The following SETD1B variants were observed in gnomAD, a reference collection of about 807,000 sequenced individuals.
SETD1B encodes the protein SET domain containing 1B, histone lysine methyltransferase, also known as histone-lysine N-methyltransferase SETD1B.
In SETD1B, 7 loss-of-function variants were observed where a neutral mutation model predicts 148.0. That is an observed-to-expected ratio of 0.05 (90% CI 0.03 to 0.09). SETD1B has a LOEUF of 0.09. Ranked by LOEUF, SETD1B falls within the 10% of genes least tolerant of loss-of-function variation. SETD1B has a pLI of 1.00. For missense variants in SETD1B, 2,155 were observed against 2,729.9 expected (o/e 0.79, Z 4.69); for synonymous variants, 1,361 against 1,186.5 (o/e 1.15, Z -3.02).
the SETD1B span, chr12:121,797,764 G>C: frequency 5.2e-5 from 19 of 362,936 alleles, no homozygotes; most frequent in Non-Finnish European, 8.2e-5. Context: ...AGAGGGTAAC[G>C]TGAGAGCAAC....
chr12:121,802,649 C>T (rs893012249), upstream of SETD1B: 1 of 151,932 alleles, frequency 6.6e-6, no homozygotes, highest in African/African-American at 2.4e-5. Flanking sequence ...TTTTGGAATT[C>T]AAAACTGTTA....
intron 12 of SETD1B, among the ~76,000 whole-genome samples, chr12:121,824,297 C>T (rs948658482): frequency 6.6e-6 from 1 of 152,188 alleles, no homozygotes; most frequent in African/African-American, 2.4e-5. Context: ...GAGGCTAGAC[C>T]TCTCATTATC....
Position 121,810,300 on chromosome 12 carries a change from C to T in SETD1B, c.1355C>T (p.Pro452Leu), listed in dbSNP as rs544049846. The change falls in exon 6 of 17, where the codon CCC becomes CTC. Residue 452 changes from proline (P) to leucine (L), a missense_variant. Coordinates refer to ENST00000604567, the MANE Select transcript of SETD1B (RefSeq NM_001353345.2). This position sits in a 1 kb window ranked among gnomAD's most constrained non-coding sequence, Gnocchi z 7.6. The stretch of plus-strand genomic sequence containing the variant: ...GCCAAGGAGAAGCCAGGCACGCCAC[C>T]CGGCCCGCCGCCCCCCGACACCAAC... ...PLAKEKPGTP[P>L]GPPPPDTNSM... The T allele has an allele frequency of 6.5e-7, 1 of 1,543,038 alleles. No individual in the cohort carries two copies. The highest frequency in any genetic ancestry group is 2.4e-5 in the East Asian group (1 of 40,872).
intron 13 of SETD1B, among the ~76,000 whole-genome samples, chr12:121,826,100 G>A (rs1272900557): frequency 1.3e-5 from 2 of 151,744 alleles, no homozygotes; most frequent in African/African-American, 4.8e-5. Context: ...AAATTGAGAC[G>A]GGGTCTCACT....
intron 11 of SETD1B, 124 bp downstream of exon 11, chr12:121,820,019 C>A: frequency 1.2e-6 from 1 of 808,534 alleles, no homozygotes; most frequent in East Asian, 2.7e-5. Context: ...CCGTGTAAAA[C>A]GAGATCAGCC....
Position 121,822,530 on chromosome 12 carries a change from C to T in SETD1B, c.3951C>T (p.Leu1317=), listed in dbSNP as rs1311938783. 2 of 1,550,468 alleles carry T rather than the reference C, an allele frequency of 1.3e-6. No individual in the cohort carries two copies. The highest frequency in any genetic ancestry group is 1.4e-5 in the African/African-American group (1 of 72,976). Residue 1317 remains leucine (L), a synonymous_variant, in exon 12 of 17, where the codon CTC becomes CTT. Coordinates refer to ENST00000604567, the MANE Select transcript of SETD1B (RefSeq NM_001353345.2). Reference sequence around the variant, plus strand: ...TGGAGCCGGAGCCCCCTATGATGCTCCCCTTGCCGCTGCAACCACCATTGC... The same window carrying T: ...TGGAGCCGGAGCCCCCTATGATGCTTCCCTTGCCGCTGCAACCACCATTGC... ...LEVEPEPPMM[L]PLPLQPPLPP...
chr12:121,817,242 T>C lies in SETD1B; in HGVS notation c.2925T>C (p.Ser975=). Residue 975 remains serine, a synonymous_variant, in exon 8 of 17, where the codon TCT becomes TCC. Coordinates refer to ENST00000604567, the MANE Select transcript of SETD1B (RefSeq NM_001353345.2). The surrounding 1 kb of genome is among the most constrained non-coding windows in gnomAD (Gnocchi z 8.1). ...AGGAGCCACCAGACACCACCTCATCTGGCGACCAGAAGCGGCTGCGGCCCT... is the reference window on the plus strand; with the variant it reads ...AGGAGCCACCAGACACCACCTCATCCGGCGACCAGAAGCGGCTGCGGCCCT... ...KRKEPPDTTS[S]GDQKRLRPST... 1 of 1,551,076 alleles carries C rather than the reference T, an allele frequency of 6.4e-7. No individual in the cohort carries two copies. The highest frequency in any genetic ancestry group is 8.7e-7 in the Non-Finnish European group (1 of 1,146,950).
At position 121,817,386 on chromosome 12, in the gene SETD1B, A is replaced by AGACCGG. The variant is rs1304209419; in HGVS notation, c.2997_3002dup (p.Arg1000_Asp1001dup). Reference sequence around the variant, plus strand: ...TTCCTGCAGAGTCCGAGCGAGAGCGAGACCGGGATATGGCAGACACCCCCT... The same window carrying AGACCGG: ...TTCCTGCAGAGTCCGAGCGAGAGCGAGACCGGGACCGGGATATGGCAGACACCCCCT... On this transcript the variant is annotated inframe_insertion, in exon 9 of 17. Transcript: ENST00000604567. This position sits in a 1 kb window ranked among gnomAD's most constrained non-coding sequence, Gnocchi z 8.1. The AGACCGG allele has an allele frequency of 1.6e-5, 25 of 1,526,924 alleles. No homozygotes were observed. The highest frequency in any genetic ancestry group is 5.5e-5 in the African/African-American group (4 of 72,590). The allele number at this position is 1,526,924 out of a possible 1,614,324, so 94.6% of individuals were successfully genotyped here. A position where few individuals can be genotyped will look rare whatever the true frequency, so the allele number is the denominator to read the frequency against.
At chr12:121,793,692 G>GGGGGC in the SETD1B span, 34 of 1,423,966 alleles carry the variant, frequency 2.4e-5, no homozygotes, top group Non-Finnish European at 2.9e-5. Flanking sequence ...CCAAGAGGTC[G>GGGGGC]GGGGCGGGGC....
At chr12:121,825,132 G>A (rs916373342) in intron 12 of SETD1B, 68 bp from the exon 13 acceptor site, 3 of 1,471,652 alleles carry the variant, frequency 2.0e-6, no homozygotes, top group Admixed American at 2.0e-5. Flanking sequence ...GAGGATGGGC[G>A]GGACCAGTCT....
upstream of SETD1B, chr12:121,799,136 G>C (rs1875168288): frequency 6.6e-6 from 1 of 152,238 alleles, no homozygotes; most frequent in Non-Finnish European, 1.5e-5. Context: ...GTGTGATTCT[G>C]ATGCCGGTTC....
chr12:121,819,418 A>C lies in SETD1B; in HGVS notation c.3433A>C (p.Ile1145Leu). The change falls in exon 11 of 17, where the codon ATT becomes CTT. Residue 1145 changes from isoleucine to leucine, a missense_variant. Coordinates refer to ENST00000604567, the MANE Select transcript of SETD1B (RefSeq NM_001353345.2). ...CCCCCATCCAGAGGAGACAGTGAGC[A>C]TTGTAACCTCCAAGGCCGAAGCCAC... ...GDSDEEETVS[I>L]VTSKAEATSS... The C allele has an allele frequency of 1.9e-6, 3 of 1,551,936 alleles. No homozygotes were observed. The highest frequency in any genetic ancestry group is 2.6e-6 in the Non-Finnish European group (3 of 1,147,066).
At chr12:121,797,941 A>C in the SETD1B span, 1 of 308,390 alleles carries the variant, frequency 3.2e-6, no homozygotes, top group Non-Finnish European at 6.3e-6. Flanking sequence ...CCTCCCAGCA[A>C]AGGAGCTGGA....
the SETD1B span, among the ~76,000 whole-genome samples, chr12:121,790,455 G>A: frequency 6.6e-6 from 1 of 152,194 alleles, no homozygotes; most frequent in East Asian, 1.9e-4. Context: ...CCTGAGAGCC[G>A]TCCACCTGCA....
chr12:121,815,008 T>A, intron 7 of SETD1B, 78 bp downstream of exon 7: 1 of 1,316,062 alleles, frequency 7.6e-7, no homozygotes, highest in Non-Finnish European at 1.0e-6. Context: ...CCTCTTTCCC[T>A]GAGACTGTTA....
Position 121,823,362 on chromosome 12 carries a change from C to A in SETD1B, c.4783C>A (p.Pro1595Thr). Residue 1595 changes from proline (P) to threonine (T), a missense_variant, in exon 12 of 17, where the codon CCT (proline) becomes ACT (threonine). Pro to Thr is a conservative substitution (Grantham distance 38). Transcript: ENST00000604567. ...PLPPQPPPPP[P>T]PPPVEPTKLP... The stretch of plus-strand genomic sequence containing the variant: ...TCCCCCCCAGCCACCCCCACCCCCA[C>A]CTCCCCCACCTGTAGAGCCCACCAA... The A allele has an allele frequency of 1.3e-6, 2 of 1,505,902 alleles. No individual in the cohort carries two copies. Among genetic ancestry groups the A allele is most frequent in the Non-Finnish European group, 9.0e-7 (1 of 1,115,850 alleles). 93.3% of individuals were successfully genotyped at this position (1,505,902 alleles called of 1,614,324 possible). A position where few individuals can be genotyped will look rare whatever the true frequency, so the allele number is the denominator to read the frequency against.
Position 121,819,818 on chromosome 12 carries a change from G to A in SETD1B, c.3833G>A (p.Gly1278Glu). The part of the protein sequence containing the change: ...PPEEPGLSQE[G>E]AMLLSPEPPA... ...GAGGAACCAGGCCTGAGCCAGGAAG[G>A]GGCCATGTTGCTGTCTCCAGAGCCC... Residue 1278 changes from glycine (G) to glutamate (E), a missense_variant, in exon 11 of 17, where the codon GGG (glycine) becomes GAG (glutamate). Coordinates refer to ENST00000604567, the MANE Select transcript of SETD1B (RefSeq NM_001353345.2). The A allele has an allele frequency of 6.4e-7, 1 of 1,551,604 alleles. No homozygotes were observed. Among genetic ancestry groups the A allele is most frequent in the Non-Finnish European group, 8.7e-7 (1 of 1,146,968 alleles).
intron 7 of SETD1B, among the ~76,000 whole-genome samples, chr12:121,815,404 C>CA (rs752169522): frequency 6.6e-6 from 1 of 151,772 alleles, no homozygotes; most frequent in Non-Finnish European, 1.5e-5. Flanking sequence ...GACTGCCCCC[C>CA]CCGCCCATTG....
the SETD1B span, chr12:121,793,233 C>T: frequency 6.4e-7 from 1 of 1,550,918 alleles, no homozygotes; most frequent in Non-Finnish European, 8.7e-7. Flanking sequence ...ACCGATGGGG[C>T]GTAGTGCTGC....
Sources: gnomAD v4.1 joint callset for allele counts (sites outside exome capture counted in the v4.1 genomes callset) on GRCh38, gnomAD v4.1.1 for gene constraint, Gnocchi (gnomAD v3.1) non-coding constraint, MANE v1.5 for transcripts, NCBI Gene and HGNC (gene_info 2026-07-23, HGNC 2026-07-21) for gene names.